Variants in MAPRE1 observed in about 807,000 individuals in gnomAD.
MAPRE1 encodes the protein microtubule associated protein RP/EB family member 1.
A neutral mutation model predicts 32.1 loss-of-function variants in MAPRE1; 5 were observed. The ratio of observed to expected loss-of-function variants is 0.16; its 90% confidence interval spans 0.08 to 0.33. The LOEUF (loss-of-function observed/expected upper bound fraction) is 0.33, where lower values mean the gene tolerates loss of function less well. MAPRE1 is among the 10% of genes least tolerant of loss of function. The pLI, the probability that MAPRE1 is intolerant of heterozygous loss-of-function variation, is 1.00. For synonymous variants in MAPRE1, 122 were observed against 118.9 expected (o/e 1.03, Z -0.17); for missense variants, 209 against 327.2 (o/e 0.64, Z 2.79).
intron 1 of MAPRE1, among the ~76,000 whole-genome samples, chr20:32,821,915 G>A (rs1235174054): frequency 6.6e-6 from 1 of 152,096 alleles, no homozygotes; most frequent in African/African-American, 2.4e-5. Context: ...GATTTGTGTG[G>A]TAGTCATGGG....
At chr20:32,845,007 GTAT>G (rs1983466123) in intron 5 of MAPRE1, among the ~76,000 whole-genome samples, 3 of 134,670 alleles carry the variant, frequency 2.2e-5, no homozygotes, top group Non-Finnish European at 4.6e-5. Context: ...ATGTATGTAT[GTAT>G]GTATGTATGT....
At chr20:32,840,202 G>T (rs891099754) in intron 5 of MAPRE1, among the ~76,000 whole-genome samples, 1 of 152,168 alleles carries the variant, frequency 6.6e-6, no homozygotes, top group Non-Finnish European at 1.5e-5. Context: ...AAAGGATTCC[G>T]CAGTCTCTCT....
intron 2 of MAPRE1, among the ~76,000 whole-genome samples, chr20:32,829,549 A>C (rs550652831): frequency 6.6e-6 from 1 of 152,232 alleles, no homozygotes; most frequent in South Asian, 2.1e-4. Flanking sequence ...GCCCAAGGAG[A>C]ATTCCAGGAG....
chr20:32,846,567 T>C (rs1983510837), intron 5 of MAPRE1, 51 bp from the exon 6 acceptor site: 1 of 1,578,446 alleles, frequency 6.3e-7, no homozygotes, highest in African/African-American at 1.3e-5. Flanking sequence ...GCCTGATATT[T>C]TATTGCCATA....
chr20:32,834,338 G>T (rs1393748349), intron 3 of MAPRE1, among the ~76,000 whole-genome samples: 1 of 152,208 alleles, frequency 6.6e-6, no homozygotes, highest in Non-Finnish European at 1.5e-5. Flanking sequence ...TTACAAGGAG[G>T]CTCCGTGGTG....
intron 3 of MAPRE1, among the ~76,000 whole-genome samples, chr20:32,834,129 T>A (rs1479166602): frequency 6.6e-6 from 1 of 152,182 alleles, no homozygotes; most frequent in Admixed American, 6.5e-5. Context: ...TTTTTATTTT[T>A]AAAAAATTCC....
intron 1 of MAPRE1, among the ~76,000 whole-genome samples, chr20:32,825,172 AAC>A (rs956489360): frequency 6.7e-6 from 1 of 148,764 alleles, no homozygotes; most frequent in African/African-American, 2.5e-5. Context: ...AAAAGAAAGA[AAC>A]AAACAAACAA....
intron 2 of MAPRE1, among the ~76,000 whole-genome samples, chr20:32,830,975 C>T (rs374197335): frequency 2.6e-5 from 4 of 152,140 alleles, no homozygotes; most frequent in Admixed American, 6.5e-5. Flanking sequence ...CCGCCTGCGT[C>T]GGCCTCCCAA....
rs754910273 is a variant in MAPRE1, at chr20:32,839,746, C to A, written c.487C>A (p.Pro163Thr). ...LTSSSAAPQR[P>T]ISTQRTAAAP... ...GCTCTCTTTTTCAGCTCCCCAGAGG[C>A]CCATCTCAACACAGAGAACCGCTGC... Residue 163 changes from proline to threonine, a missense_variant, in exon 5 of 7, where the codon CCC (proline) becomes ACC (threonine). By Grantham distance (38) the Pro-to-Thr change is conservative. This residue lies in a region of MAPRE1 where 106 missense variants were observed against 115.3 expected (regional missense o/e 0.92). Coordinates refer to ENST00000375571, the MANE Select transcript of MAPRE1 (RefSeq NM_012325.3). 6.2e-7 allele frequency: 1 copy of A among 1,614,152 alleles called. No homozygotes were observed. The highest frequency in any genetic ancestry group is 2.2e-5 in the East Asian group (1 of 44,886).
intron 2 of MAPRE1, among the ~76,000 whole-genome samples, chr20:32,831,451 C>T (rs1208558684): frequency 2.0e-5 from 3 of 149,662 alleles, no homozygotes; most frequent in African/African-American, 7.4e-5. Context: ...CAGTTTCATG[C>T]ATAAGTTGTT....
chr20:32,841,648 G>A (rs1345186077), intron 5 of MAPRE1, among the ~76,000 whole-genome samples: 2 of 133,732 alleles, frequency 1.5e-5, no homozygotes, highest in Non-Finnish European at 3.1e-5. Flanking sequence ...CCCAGAGTGT[G>A]ATGTTCCCCT....
rs1261629238 is a variant in MAPRE1, at chr20:32,835,369, T to C, written c.268-1265T>C. ...GTGTGTGTGTTTTTATTGGTGTTTT[T>C]TTTTTTTTTTTGAGATGAGGTCTTG... On this transcript the variant is annotated intron_variant, in intron 3 of 6. Coordinates refer to ENST00000375571, the MANE Select transcript of MAPRE1 (RefSeq NM_012325.3). 1.4e-5 allele frequency among the ~76,000 whole-genome samples: 2 copies of C among 141,844 alleles called. 1 individual carries two copies. The highest frequency in any genetic ancestry group is 4.6e-4 in the South Asian group (2 of 4,374). The allele number at this position is 141,844 out of a possible 152,430, so 93.1% of individuals were successfully genotyped here. A position where few individuals can be genotyped will look rare whatever the true frequency, so the allele number is the denominator to read the frequency against.
At chr20:32,833,504 C>A (rs557241615) in intron 2 of MAPRE1, among the ~76,000 whole-genome samples, 1 of 152,250 alleles carries the variant, frequency 6.6e-6, no homozygotes, top group South Asian at 2.1e-4. Context: ...TTGTTATAGG[C>A]TTCTGGGTTG....
At position 32,837,835 on chromosome 20, in the gene MAPRE1, G is replaced by A. The variant is rs191101004; in HGVS notation, c.475+994G>A. The stretch of plus-strand genomic sequence containing the variant: ...CAGTGGCTCATGCCTGTAAATCCCA[G>A]CGCTTTGGGAGGCTGAGGCAGGCAG... On this transcript the variant is annotated intron_variant, in intron 4 of 6. Coordinates refer to ENST00000375571, the MANE Select transcript of MAPRE1 (RefSeq NM_012325.3). Among the ~76,000 whole-genome samples the A allele has an allele frequency of 1.8e-3, 269 of 152,300 alleles. 1 individual carries two copies. The highest frequency in any genetic ancestry group is 2.9e-3 in the Non-Finnish European group (197 of 68,040).
chr20:32,838,638 C>G (rs1983266879), intron 4 of MAPRE1, among the ~76,000 whole-genome samples: 2 of 152,166 alleles, frequency 1.3e-5, no homozygotes, highest in African/African-American at 4.8e-5. Context: ...TCCCGTTTCT[C>G]TAGATATTGA....
At chr20:32,820,345 C>T (rs1032901527) in intron 1 of MAPRE1, among the ~76,000 whole-genome samples, 2 of 152,024 alleles carry the variant, frequency 1.3e-5, no homozygotes, top group Non-Finnish European at 2.9e-5. Context: ...TGGTTGGGCC[C>T]TGGGAGGGTG....
rs768314433 is a variant in MAPRE1, at chr20:32,836,624, T to C, written c.268-10T>C. The C allele has an allele frequency of 3.8e-6, 6 of 1,567,852 alleles. No individual in the cohort carries two copies. Among genetic ancestry groups the C allele is most frequent in the Non-Finnish European group, 5.3e-6 (6 of 1,139,904 alleles). On this transcript the variant is annotated splice_polypyrimidine_tract_variant and intron_variant, in intron 3 of 6. Coordinates refer to ENST00000375571, the MANE Select transcript of MAPRE1 (RefSeq NM_012325.3). Reference sequence around the variant, plus strand: ...CTTTTTTGGGGCTAAACAGTTGTTTTTCTCTGCAGATAATTCCTGTGGACA... The same window carrying C: ...CTTTTTTGGGGCTAAACAGTTGTTTCTCTCTGCAGATAATTCCTGTGGACA...
At chr20:32,835,344 G>T (rs934801412) in intron 3 of MAPRE1, among the ~76,000 whole-genome samples, 4 of 123,168 alleles carry the variant, frequency 3.2e-5, no homozygotes, top group Non-Finnish European at 4.9e-5. Flanking sequence ...GTTATTTTTT[G>T]TGTGTGTGTT....
chr20:32,823,368 T>C (rs975213636), intron 1 of MAPRE1, among the ~76,000 whole-genome samples: 2 of 152,214 alleles, frequency 1.3e-5, no homozygotes, highest in Admixed American at 1.3e-4. Flanking sequence ...GCTCTGCATC[T>C]TTCCCCTGCC....
Sources: gnomAD v4.1 joint callset for allele counts (sites outside exome capture counted in the v4.1 genomes callset) on GRCh38, gnomAD v4.1.1 for gene constraint, gnomAD v4.1.1 regional missense constraint, MANE v1.5 for transcripts, NCBI Gene and HGNC (gene_info 2026-07-23, HGNC 2026-07-21) for gene names.